The following VAT1L variants were observed in gnomAD, a reference collection of about 807,000 sequenced individuals.
VAT1L encodes the protein vesicle amine transport 1 like.
Under a neutral mutation model 44.1 loss-of-function variants are expected in VAT1L, and 34 were observed. The ratio of observed to expected loss-of-function variants is 0.77; its 90% CI spans 0.59 to 1.03. VAT1L has a LOEUF of 1.03. Among genes scored for constraint, VAT1L ranks in the 50% least tolerant of loss-of-function variants. The probability of loss-of-function intolerance (pLI) is 0.00; values close to 1 mark genes in which losing one functional copy is unlikely to be tolerated. For synonymous variants in VAT1L, 253 were observed against 202.2 expected (o/e 1.25, Z -2.13); for missense variants, 615 against 538.8 (o/e 1.14, Z -1.40).
intron 7 of VAT1L, among the ~76,000 whole-genome samples, chr16:77,956,491 G>A (rs1474988151): frequency 2.6e-5 from 4 of 152,128 alleles, no homozygotes; most frequent in South Asian, 4.1e-4. Flanking sequence ...GTCAGCTGCC[G>A]CAATGATCAT....
chr16:77,950,982 G>A (rs1198864560), intron 7 of VAT1L, among the ~76,000 whole-genome samples: 1 of 152,172 alleles, frequency 6.6e-6, no homozygotes, highest in Non-Finnish European at 1.5e-5. Flanking sequence ...AAGTTAGTAT[G>A]CTGGAAAGAG....
chr16:77,825,636 G>A (rs541493098), intron 3 of VAT1L, among the ~76,000 whole-genome samples, 175 bp downstream of exon 3: 6 of 152,176 alleles, frequency 3.9e-5, no homozygotes, highest in Admixed American at 2.0e-4. Context: ...GGTAGGATAA[G>A]CCTGAGAGAT....
chr16:77,859,151 C>T (rs1335748297), intron 3 of VAT1L, among the ~76,000 whole-genome samples: 1 of 145,552 alleles, frequency 6.9e-6, no homozygotes, highest in Non-Finnish European at 1.5e-5. Context: ...AAAAAAAAAA[C>T]TATTTGGGTG....
At chr16:77,948,037 G>A (rs1051363939) in intron 7 of VAT1L, among the ~76,000 whole-genome samples, 3 of 152,180 alleles carry the variant, frequency 2.0e-5, no homozygotes, top group African/African-American at 7.2e-5. Flanking sequence ...TGGGATTACA[G>A]GTGTGTACCA....
chr16:77,826,264 A>T (rs949843596), intron 3 of VAT1L, among the ~76,000 whole-genome samples: 3 of 152,084 alleles, frequency 2.0e-5, no homozygotes, highest in Admixed American at 6.5e-5. Context: ...TCATGATGAA[A>T]AGTTGTGTCA....
At chr16:77,869,592 C>T (rs565969720) in intron 4 of VAT1L, among the ~76,000 whole-genome samples, 18 of 152,146 alleles carry the variant, frequency 1.2e-4, no homozygotes, top group African/African-American at 3.1e-4. Context: ...TCTCTTGAGC[C>T]GAGGAGTTTG....
chr16:77,942,098 A>C (rs1258671347), intron 7 of VAT1L, among the ~76,000 whole-genome samples: 5 of 152,172 alleles, frequency 3.3e-5, no homozygotes, highest in Non-Finnish European at 7.3e-5. Context: ...ACTGCTGATA[A>C]ATACATACCT....
intron 5 of VAT1L, among the ~76,000 whole-genome samples, chr16:77,877,512 C>CAAAAAAAAAAAAA (rs55704400): frequency 1.2e-5 from 1 of 86,802 alleles, no homozygotes; most frequent in Non-Finnish European, 2.5e-5. Flanking sequence ...GACTCTGTCT[C>CAAAAAAAAAAAAA]AAAAAAAAAA....
In VAT1L at chr16:77,870,690, T is replaced by C. The variant is rs1447407956; in HGVS notation, c.723-5680T>C. 2.6e-5 allele frequency among the ~76,000 whole-genome samples: 4 copies of C among 152,234 alleles called. No individual in the cohort carries two copies. In the East Asian group the frequency reaches 7.7e-4, roughly 29 times the overall value. The stretch of plus-strand genomic sequence containing the variant: ...TTTGCTTTTTAAATCCGCAGAGATT[T>C]ATGGCAGCAGGAAAAAGCACACAGA... On this transcript the variant is annotated intron_variant, in intron 4 of 8. Coordinates refer to ENST00000302536, the MANE Select transcript of VAT1L (RefSeq NM_020927.3).
chr16:77,798,718 C>T (rs1406059371), intron 1 of VAT1L, among the ~76,000 whole-genome samples: 1 of 152,184 alleles, frequency 6.6e-6, no homozygotes, highest in Non-Finnish European at 1.5e-5. Flanking sequence ...GTAGCTCAAA[C>T]AGGATATGCC....
At chr16:77,908,593 G>A (rs1424215654) in intron 7 of VAT1L, among the ~76,000 whole-genome samples, 1 of 151,844 alleles carries the variant, frequency 6.6e-6, no homozygotes, top group Non-Finnish European at 1.5e-5. Flanking sequence ...GCTCATTGTA[G>A]GATCGCCATG....
chr16:77,825,049 T>C (rs2016502653), intron 2 of VAT1L, among the ~76,000 whole-genome samples, 197 bp from the exon 3 acceptor site: 1 of 151,856 alleles, frequency 6.6e-6, no homozygotes. Flanking sequence ...GTATTTTTAG[T>C]AGAGATGGGG....
chr16:77,908,791 G>T (rs1017176026), intron 7 of VAT1L, among the ~76,000 whole-genome samples: 8 of 152,168 alleles, frequency 5.3e-5, no homozygotes, highest in Non-Finnish European at 1.2e-4. Flanking sequence ...GCAGGCACCT[G>T]CAGTCCCAGC....
At chr16:77,934,692 G>A (rs1221305633) in intron 7 of VAT1L, among the ~76,000 whole-genome samples, 2 of 152,142 alleles carry the variant, frequency 1.3e-5, no homozygotes, top group African/African-American at 4.8e-5. Context: ...GACACTAAAG[G>A]GTGATCACCA....
chr16:77,933,598 G>A (rs950471979), intron 7 of VAT1L, among the ~76,000 whole-genome samples: 8 of 152,236 alleles, frequency 5.3e-5, no homozygotes, highest in Admixed American at 4.6e-4. Flanking sequence ...AAAGGGATGG[G>A]GAAGGCAGGT....
intron 1 of VAT1L, among the ~76,000 whole-genome samples, chr16:77,797,970 T>A (rs949324004): frequency 6.6e-6 from 1 of 152,178 alleles, no homozygotes; most frequent in African/African-American, 2.4e-5. Flanking sequence ...ACAAAATAGA[T>A]GTTCCAGTGA....
intron 7 of VAT1L, among the ~76,000 whole-genome samples, chr16:77,908,682 G>A (rs972898500): frequency 1.8e-4 from 28 of 152,120 alleles, no homozygotes; most frequent in Admixed American, 1.2e-3. Context: ...TTGGGAGGCC[G>A]AGATGGGCAG....
intron 7 of VAT1L, among the ~76,000 whole-genome samples, chr16:77,961,958 C>G (rs1368282954): frequency 1.3e-5 from 2 of 152,068 alleles, no homozygotes; most frequent in African/African-American, 2.4e-5. Context: ...GTGACAAATC[C>G]CTCACTGGGA....
chr16:77,795,289 GA>G (rs201805511), intron 1 of VAT1L, among the ~76,000 whole-genome samples: 20,489 of 142,804 alleles, frequency 0.14, 1,707 homozygotes, highest in East Asian at 0.37. Flanking sequence ...GGGGCGGGGG[GA>G]AAGATTGAGA....
Sources: allele counts gnomAD v4.1 joint callset (sites outside exome capture counted in the v4.1 genomes callset), GRCh38; gene constraint gnomAD v4.1.1; transcripts MANE v1.5; gene names NCBI Gene and HGNC (gene_info 2026-07-23, HGNC 2026-07-21).